The following RUFY4 variants were observed in gnomAD, a reference collection of about 807,000 sequenced individuals.
RUFY4 encodes the protein RUN and FYVE domain containing 4.
Under a neutral mutation model 69.0 loss-of-function variants are expected in RUFY4, and 73 were observed. The ratio of observed to expected loss-of-function variants is 1.06; its 90% CI spans 0.88 to 1.29. RUFY4 has a LOEUF of 1.29. Among genes scored for constraint, RUFY4 ranks in the 50% most tolerant of loss-of-function variants. The probability of loss-of-function intolerance (pLI) is 0.00; values close to 1 mark genes in which losing one functional copy is unlikely to be tolerated. For missense variants in RUFY4, 770 were observed against 705.6 expected (o/e 1.09, Z -1.03); for synonymous variants, 287 against 271.8 (o/e 1.06, Z -0.55).
At chr2:218,065,266 T>G (rs1574504312), upstream of RUFY4, among the ~76,000 whole-genome samples, 2 of 150,034 alleles carry the variant, frequency 1.3e-5, no homozygotes, top group Non-Finnish European at 3.0e-5. Flanking sequence ...AGAGGAGGGG[T>G]GGGGGGAGAG....
At chr2:218,063,061 G>A (rs1307224729) in intron 3 of RUFY4, among the ~76,000 whole-genome samples, 1 of 152,266 alleles carries the variant, frequency 6.6e-6, no homozygotes, top group Non-Finnish European at 1.5e-5. Flanking sequence ...GGACAGGAGA[G>A]ATCCCGCTCT....
At chr2:218,065,239 A>G (rs1227097779), upstream of RUFY4, among the ~76,000 whole-genome samples, 1 of 152,132 alleles carries the variant, frequency 6.6e-6, no homozygotes, top group Non-Finnish European at 1.5e-5. Context: ...CAGGCAGGGC[A>G]TCAGAGTCAG....
chr2:218,064,804 T>A (rs1210711408), upstream of RUFY4, among the ~76,000 whole-genome samples: 1 of 151,680 alleles, frequency 6.6e-6, no homozygotes, highest in African/African-American at 2.4e-5. Flanking sequence ...CCTATTCCCA[T>A]CCCACAACCG....
Position 218,070,865 on chromosome 2 carries a change from A to T in RUFY4, c.153+6A>T. On this transcript the variant is annotated splice_donor_region_variant and intron_variant, in intron 2 of 10. Coordinates refer to ENST00000344321, the Ensembl canonical transcript of RUFY4. Reference sequence around the variant, plus strand: ...GCCTGGAGCTGCTGCTGCAGGTGGGACCTTCTCCTCCCCTTCCCCATCCCT... The same window carrying T: ...GCCTGGAGCTGCTGCTGCAGGTGGGTCCTTCTCCTCCCCTTCCCCATCCCT... The T allele has an allele frequency of 6.5e-7, 1 of 1,531,774 alleles. No homozygotes were observed. The highest frequency in any genetic ancestry group is 8.7e-7 in the Non-Finnish European group (1 of 1,143,548). 94.9% of individuals were successfully genotyped at this position (1,531,774 alleles called of 1,614,324 possible).
intron 2 of RUFY4, among the ~76,000 whole-genome samples, chr2:218,045,404 T>C (rs1273294777): frequency 6.6e-6 from 1 of 152,146 alleles, no homozygotes; most frequent in Non-Finnish European, 1.5e-5. Flanking sequence ...CCTGGAACCA[T>C]CAGGTAGGAA....
At chr2:218,067,151 A>C (rs1207444393), upstream of RUFY4, among the ~76,000 whole-genome samples, 1 of 152,106 alleles carries the variant, frequency 6.6e-6, no homozygotes, top group Non-Finnish European at 1.5e-5. Flanking sequence ...CTTTCTCCCA[A>C]GTTAGTCGTG....
chr2:218,050,518 C>T (rs902507187), intron 2 of RUFY4, among the ~76,000 whole-genome samples: 7 of 152,198 alleles, frequency 4.6e-5, no homozygotes, highest in Non-Finnish European at 8.8e-5. Context: ...TATAACCCTC[C>T]CTCCAGCTCA....
chr2:218,075,405 A>G (rs751186452), exon 7 of RUFY4: 1 of 1,613,042 alleles, frequency 6.2e-7, no homozygotes. Context: ...GGCTATGGGC[A>G]CTCAGAAGGA....
At position 218,083,091 on chromosome 2, in the gene RUFY4, G is replaced by C; in HGVS notation, c.1356-19G>C. ...CTGAGCTTTGCCCCCTGAGAACCTA[G>C]TCTTCCTTCTGTACCCAGGTGTCAG... On this transcript the variant is annotated intron_variant, in intron 8 of 10. Coordinates refer to ENST00000344321, the Ensembl canonical transcript of RUFY4. 1 of 1,609,884 alleles carries C rather than the reference G, an allele frequency of 6.2e-7. No homozygotes were observed. The highest frequency in any genetic ancestry group is 2.2e-5 in the East Asian group (1 of 44,744).
chr2:218,060,303 G>A (rs529767001), intron 3 of RUFY4: 2 of 1,498,618 alleles, frequency 1.3e-6, no homozygotes, highest in East Asian at 2.3e-5. Flanking sequence ...GAAGAGAAGG[G>A]AGGAACCCCA....
intron 9 of RUFY4, among the ~76,000 whole-genome samples, chr2:218,084,596 A>G (rs1689847687): frequency 6.6e-6 from 1 of 152,206 alleles, no homozygotes; most frequent in Admixed American, 6.5e-5. Context: ...CTTGGAAATG[A>G]CAAACAAATA....
At chr2:218,037,673 A>G (rs945388135) in intron 2 of RUFY4, among the ~76,000 whole-genome samples, 2 of 152,348 alleles carry the variant, frequency 1.3e-5, no homozygotes, top group Admixed American at 1.3e-4. Flanking sequence ...ATACCTATAG[A>G]TTCCTTCTCT....
At chr2:218,072,418 T>C in exon 3 of RUFY4, 2 of 1,537,358 alleles carry the variant, frequency 1.3e-6, no homozygotes, top group Non-Finnish European at 1.7e-6. Flanking sequence ...CTCGGAAGGA[T>C]TACTGGGACT....
chr2:218,052,670 A>G (rs955023865), intron 2 of RUFY4, among the ~76,000 whole-genome samples: 1 of 151,860 alleles, frequency 6.6e-6, no homozygotes, highest in Non-Finnish European at 1.5e-5. Context: ...CTAAGACAGG[A>G]GAGTTGCTTG....
intron 2 of RUFY4, among the ~76,000 whole-genome samples, chr2:218,055,643 T>C (rs1317090401): frequency 6.6e-6 from 1 of 152,160 alleles, no homozygotes; most frequent in African/African-American, 2.4e-5. Context: ...GATCCAATTT[T>C]CCCCCATGGA....
chr2:218,047,142 A>G (rs10183449), intron 2 of RUFY4, among the ~76,000 whole-genome samples: 35,054 of 151,844 alleles, frequency 0.23, 5,182 homozygotes, highest in East Asian at 0.41. Context: ...AAGTACAAAA[A>G]GTTACCTTGA....
Position 218,057,720 on chromosome 2 carries a change from T to C in RUFY4, c.-1157-875T>C, listed in dbSNP as rs192577944. 1.4e-3 allele frequency among the ~76,000 whole-genome samples: 212 copies of C among 152,322 alleles called. 3 individuals are homozygous for C. The highest frequency in any genetic ancestry group is 5.3e-3 in the Admixed American group (81 of 15,296). ...CCCAACCCCAGGCCCAGGCAACCAG[T>C]CATCTGTTTTCAGTCTCTGCAGATT... On this transcript the variant is annotated intron_variant and NMD_transcript_variant, in intron 2 of 13. Coordinates refer to the RUFY4 transcript ENST00000457754.
intron 2 of RUFY4, among the ~76,000 whole-genome samples, chr2:218,048,753 T>A (rs566291431): frequency 5.9e-5 from 9 of 152,122 alleles, no homozygotes; most frequent in East Asian, 3.9e-4. Flanking sequence ...TTATGCCTTT[T>A]AAAAAAAATC....
intron 2 of RUFY4, among the ~76,000 whole-genome samples, chr2:218,050,458 TG>T (rs1388298382): frequency 1.3e-5 from 2 of 152,156 alleles, no homozygotes; most frequent in African/African-American, 2.4e-5. Flanking sequence ...GCAAAAGAGC[TG>T]TGACACTCCT....
Sources: gnomAD v4.1 joint callset for allele counts (sites outside exome capture counted in the v4.1 genomes callset) on GRCh38, gnomAD v4.1.1 for gene constraint, MANE v1.5 for transcripts, NCBI Gene and HGNC (gene_info 2026-07-23, HGNC 2026-07-21) for gene names.